The following RSRC1 variants were observed in gnomAD, a reference collection of about 807,000 sequenced individuals.
RSRC1 encodes the protein serine/Arginine-related protein 53.
RSRC1 carries 39 observed loss-of-function variants against 49.1 expected under a neutral mutation model. The observed-to-expected ratio is 0.79, with a 90% CI of 0.61 to 1.04. The LOEUF is 1.04. RSRC1 is among the 50% of genes least tolerant of loss of function. The pLI, the probability that RSRC1 is intolerant of heterozygous loss-of-function variation, is 0.00. For synonymous variants in RSRC1, 143 were observed against 130.8 expected, an observed-to-expected ratio of 1.09 and a Z score of -0.63; for missense variants, 388 against 402.4, an observed-to-expected ratio of 0.96 and a Z score of 0.31.
At chr3:158,278,562 C>T (rs1725949147) in intron 4 of RSRC1, among the ~76,000 whole-genome samples, 1 of 152,226 alleles carries the variant, frequency 6.6e-6, no homozygotes, top group Non-Finnish European at 1.5e-5. Context: ...TCTGTGGACT[C>T]ATGAAAAACC....
chr3:158,496,168 A>G (rs1578545170), intron 7 of RSRC1, among the ~76,000 whole-genome samples: 1 of 152,178 alleles, frequency 6.6e-6, no homozygotes, highest in East Asian at 1.9e-4. Flanking sequence ...TTGGGGCACA[A>G]AATTTACTCT....
chr3:158,181,757 A>G (rs544542415), intron 3 of RSRC1, among the ~76,000 whole-genome samples: 3 of 152,312 alleles, frequency 2.0e-5, no homozygotes, highest in African/African-American at 7.2e-5. Context: ...AATCAGATAA[A>G]TATTTAAGTG....
intron 4 of RSRC1, chr3:158,225,571 G>A: frequency 2.9e-6 from 1 of 349,210 alleles, no homozygotes; most frequent in South Asian, 2.3e-5. Flanking sequence ...ACCCCTTTTG[G>A]TTTGGAGGCA....
intron 5 of RSRC1, among the ~76,000 whole-genome samples, chr3:158,333,262 G>A (rs1000839758): frequency 2.2e-4 from 33 of 152,232 alleles, no homozygotes; most frequent in African/African-American, 7.2e-4. Flanking sequence ...ATTGTGATGA[G>A]CAGACTTGCA....
At chr3:158,225,705 G>A (rs1409955246) in intron 4 of RSRC1, 1 of 452,810 alleles carries the variant, frequency 2.2e-6, no homozygotes, top group Non-Finnish European at 4.4e-6. Context: ...CATCTAACAG[G>A]AAGAGAAAAG....
At chr3:158,257,106 T>A (rs1724610377) in intron 4 of RSRC1, among the ~76,000 whole-genome samples, 1 of 152,172 alleles carries the variant, frequency 6.6e-6, no homozygotes, top group African/African-American at 2.4e-5. Flanking sequence ...ATTTCTTGCC[T>A]TCTGCTAGCT....
intron 4 of RSRC1, among the ~76,000 whole-genome samples, chr3:158,222,271 A>G (rs1469602743): frequency 6.6e-6 from 1 of 151,516 alleles, no homozygotes; most frequent in Non-Finnish European, 1.5e-5. Context: ...CTTTGCCTGT[A>G]TCCTTTCTAA....
intron 4 of RSRC1, among the ~76,000 whole-genome samples, chr3:158,292,100 T>C (rs553581054): frequency 6.6e-6 from 1 of 152,330 alleles, no homozygotes; most frequent in South Asian, 2.1e-4. Flanking sequence ...ACAACCTCAG[T>C]CTTGTCCCAG....
At chr3:158,180,393 CTTTTTTTTTTTT>C (rs1163298458) in intron 3 of RSRC1, among the ~76,000 whole-genome samples, 9 of 38,530 alleles carry the variant, frequency 2.3e-4, no homozygotes, top group South Asian at 1.0e-3. Context: ...GGTCGAGGTT[CTTTTTTTTTTTT>C]TTTTTTTTTT....
intron 7 of RSRC1, among the ~76,000 whole-genome samples, chr3:158,508,213 A>G (rs973426877): frequency 6.6e-6 from 1 of 152,208 alleles, no homozygotes; most frequent in African/African-American, 2.4e-5. Context: ...ACTGTAGGCA[A>G]TTTGAAGGCT....
At chr3:158,223,630 A>G (rs981795948) in intron 4 of RSRC1, among the ~76,000 whole-genome samples, 3 of 147,034 alleles carry the variant, frequency 2.0e-5, no homozygotes, top group African/African-American at 7.5e-5. Flanking sequence ...CCCATAATCC[A>G]TTATCCACAC....
At chr3:158,277,828 A>C (rs1725902944) in intron 4 of RSRC1, among the ~76,000 whole-genome samples, 1 of 152,094 alleles carries the variant, frequency 6.6e-6, no homozygotes, top group Non-Finnish European at 1.5e-5. Flanking sequence ...CTCTGTGGCC[A>C]GGCTTATATA....
chr3:158,296,866 C>T (rs1342086458), intron 4 of RSRC1, among the ~76,000 whole-genome samples: 1 of 151,952 alleles, frequency 6.6e-6, no homozygotes, highest in East Asian at 1.9e-4. Context: ...ATATGTCAGA[C>T]TGGGCAGTGA....
rs139354874 is a variant in RSRC1 at position 158,117,881 on chromosome 3, T to TTTTCTTTCTTTCTTTCTTTC, written c.-2-4210_-2-4191dup. Among the ~76,000 whole-genome samples the TTTTCTTTCTTTCTTTCTTTC allele has an allele frequency of 3.8e-3, 571 of 150,478 alleles. 3 individuals carry two copies. Among genetic ancestry groups the TTTTCTTTCTTTCTTTCTTTC allele is most frequent in the African/African-American group, 0.013 (541 of 40,496 alleles). On this transcript the variant is annotated intron_variant, in intron 1 of 9. Coordinates refer to ENST00000611884, the MANE Select transcript of RSRC1 (RefSeq NM_001271838.2). ...TTCTGTTTGTAAAATGTCTGTCTCT[T>TTTTCTTTCTTTCTTTCTTTC]TTTCTTTCTTTCTTTCTTTCTTTCT...
At chr3:158,276,717 G>A (rs893501704) in intron 4 of RSRC1, among the ~76,000 whole-genome samples, 1 of 152,018 alleles carries the variant, frequency 6.6e-6, no homozygotes, top group Non-Finnish European at 1.5e-5. Flanking sequence ...AAAGCAGATG[G>A]AAGAAGTTGA....
At chr3:158,515,137 T>C (rs1740441045) in intron 7 of RSRC1, among the ~76,000 whole-genome samples, 1 of 151,344 alleles carries the variant, frequency 6.6e-6, no homozygotes, top group African/African-American at 2.4e-5. Context: ...AATATTGTTA[T>C]GTGTGAATTT....
In RSRC1 at chr3:158,393,535, C is replaced by G. The variant is rs115992882; in HGVS notation, c.583+38627C>G. ...AATCCCTCCGAGACTACTACAAACA[C>G]CTCTCTGCACACAAACTAGAAAATC... On this transcript the variant is annotated intron_variant, in intron 6 of 9. Transcript: ENST00000611884. Among the ~76,000 whole-genome samples, 3 of 151,836 alleles carry G rather than the reference C, an allele frequency of 2.0e-5. No homozygotes were observed. The South Asian group carries it at 6.3e-4, about 32-fold the overall frequency.
chr3:158,358,856 A>T (rs1335189634), intron 6 of RSRC1, among the ~76,000 whole-genome samples: 2 of 151,188 alleles, frequency 1.3e-5, no homozygotes, highest in Non-Finnish European at 2.9e-5. Flanking sequence ...ATAATCTGTG[A>T]CCTTGTGTGT....
At chr3:158,257,646 A>G (rs542616348) in intron 4 of RSRC1, among the ~76,000 whole-genome samples, 2 of 152,114 alleles carry the variant, frequency 1.3e-5, no homozygotes, top group South Asian at 4.1e-4. Flanking sequence ...CAGGGTTTTT[A>G]TTGATAAATA....
Sources: gnomAD v4.1 joint callset for allele counts (sites outside exome capture counted in the v4.1 genomes callset) on GRCh38, gnomAD v4.1.1 for gene constraint, MANE v1.5 for transcripts, NCBI Gene and HGNC (gene_info 2026-07-23, HGNC 2026-07-21) for gene names.